The following GCDH variants were observed in gnomAD, a reference collection of about 807,000 sequenced individuals.
GCDH encodes glutaryl-CoA dehydrogenase.
GCDH carries 31 observed loss-of-function variants against 52.8 expected under a neutral mutation model. The observed-to-expected ratio is 0.59, with a 90% CI of 0.44 to 0.79. GCDH has a LOEUF of 0.79. Ranked by LOEUF, GCDH falls within the 30% of genes least tolerant of loss-of-function variation. GCDH has a pLI of 0.00. For missense variants in GCDH, 509 were observed against 595.0 expected, an observed-to-expected ratio of 0.86 and a Z score of 1.50; for synonymous variants, 242 against 250.0, an observed-to-expected ratio of 0.97 and a Z score of 0.30.
At chr19:12,891,553 C>T in intron 3 of GCDH, 31 bp downstream of exon 3, 1 of 1,614,122 alleles carries the variant, frequency 6.2e-7, no homozygotes, top group South Asian at 1.1e-5. Context: ...CGTGTGTCTG[C>T]TGCCCCTGTT....
Position 12,894,395 on chromosome 19 carries a change from G to A in GCDH, c.505+742G>A. On this transcript the variant is annotated intron_variant, in intron 6 of 11. Transcript: ENST00000222214. ...GGGCATTCCTATTACAGACCAAGGA[G>A]AACTGGAGAAAGAAAGAGAAGATCA... The A allele has an allele frequency of 4.0e-6, 3 of 754,768 alleles. No homozygotes were observed. The South Asian group carries it at 4.1e-5, about 10-fold the overall frequency. 46.8% of individuals were successfully genotyped at this position (754,768 alleles called of 1,614,324 possible). A position where few individuals can be genotyped will look rare whatever the true frequency, so the allele number is the denominator to read the frequency against.
rs1970710700 is a variant in GCDH, at chr19:12,897,426, C to T, written c.1080C>T (p.Asp360=). The change falls in exon 10 of 12, where the codon GAC becomes GAT. Residue 360 remains aspartate (D), a splice_region_variant and synonymous_variant. Transcript: ENST00000222214. ...CLQLGRLKDQ[D]KAAPEMVSLL... ...AGCTCGGCCGCTTGAAGGACCAGGA[C>T]AAGTAGGGGCTGTGTGGTGGGGGCG... 1 of 1,612,398 alleles carries T rather than the reference C, an allele frequency of 6.2e-7. No individual in the cohort carries two copies.
In GCDH at chr19:12,896,111, A is replaced by G. The variant is rs745938551; in HGVS notation, c.625A>G (p.Thr209Ala). Reference protein sequence around the residue: ...SSNKSYTLNGTKTWITNSPMA... With the variant: ...SSNKSYTLNGAKTWITNSPMA... ...CAACAAGAGCTACACCCTCAATGGG[A>G]CCAAGACCTGGTAAGGGTTCTGGGT... The change falls in exon 7 of 12, where the codon ACC (threonine) becomes GCC (alanine). Residue 209 changes from threonine to alanine, a missense_variant. Transcript: ENST00000222214. This position sits in a 1 kb window ranked among gnomAD's most constrained non-coding sequence, Gnocchi z 5.5. 6.2e-7 allele frequency: 1 copy of G among 1,614,062 alleles called. No individual in the cohort carries two copies. The highest frequency in any genetic ancestry group is 8.5e-7 in the Non-Finnish European group (1 of 1,180,018).
intron 6 of GCDH, among the ~76,000 whole-genome samples, chr19:12,895,440 T>C (rs1970650088): frequency 6.6e-6 from 1 of 152,048 alleles, no homozygotes; most frequent in Non-Finnish European, 1.5e-5. Flanking sequence ...TTTGTATTTT[T>C]AGTAGAGATG....
intron 6 of GCDH, chr19:12,894,411 G>A (rs1223250465): frequency 2.7e-6 from 2 of 752,356 alleles, no homozygotes; most frequent in Non-Finnish European, 5.0e-6. Context: ...GAGAAAGAAA[G>A]AGAAGATCAG....
chr19:12,896,508 C>CACAGGCACAGGGAG lies in GCDH; in HGVS notation c.852+87_852+88insACAGGCACAGGGAG. The CACAGGCACAGGGAG allele has an allele frequency of 2.0e-6, 2 of 1,005,768 alleles. No homozygotes were observed. The highest frequency in any genetic ancestry group is 3.0e-6 in the Non-Finnish European group (2 of 658,838). The allele number at this position is 1,005,768 out of a possible 1,614,324, so 62.3% of individuals were successfully genotyped here. A position where few individuals can be genotyped will look rare whatever the true frequency, so the allele number is the denominator to read the frequency against. On this transcript the variant is annotated intron_variant, in intron 8 of 11. Transcript: ENST00000222214. The surrounding 1 kb of genome is among the most constrained non-coding windows in gnomAD (Gnocchi z 5.5). ...AGGCTCCGTGCTGGGGACGCGGCTC[C>CACAGGCACAGGGAG]CTGTGCCTGTGGAGCCCACACAGTG...
At chr19:12,893,994 A>T in intron 6 of GCDH, 1 of 582,620 alleles carries the variant, frequency 1.7e-6, no homozygotes, top group South Asian at 2.0e-5. Context: ...TGAGCCCAAG[A>T]GTTCGAAACC....
rs574289102 is a variant in GCDH at position 12,896,562 on chromosome 19, C to T, written c.852+141C>T. The stretch of plus-strand genomic sequence containing the variant: ...ATTCTTACTCAGCCGGACTCGCTGA[C>T]GTGCTGAAAACTGCCCCCATTTGGT... On this transcript the variant is annotated intron_variant, in intron 8 of 11. Transcript: ENST00000222214. The surrounding 1 kb of genome is among the most constrained non-coding windows in gnomAD (Gnocchi z 5.5). 14 of 762,884 alleles carry T rather than the reference C, an allele frequency of 1.8e-5. No individual in the cohort carries two copies. The highest frequency in any genetic ancestry group is 8.5e-5 in the African/African-American group (5 of 58,566). 47.3% of individuals were successfully genotyped at this position (762,884 alleles called of 1,614,324 possible).
At chr19:12,898,022 C>G in intron 11 of GCDH, 159 bp downstream of exon 11, 1 of 683,014 alleles carries the variant, frequency 1.5e-6, no homozygotes, top group Non-Finnish European at 2.6e-6. Context: ...TCTGGAGTTA[C>G]TCACATGGGG....
Position 12,897,839 on chromosome 19 carries a change from C to G in GCDH, c.1219C>G (p.Leu407Val), listed in dbSNP as rs1568429421. The G allele has an allele frequency of 6.2e-7, 1 of 1,613,942 alleles. No homozygotes were observed. ...EYHVIRHAMN[L>V]EAVNTYEGTH... ...TCACGTGATCCGGCACGCCATGAAC[C>G]TGGAGGCCGTGAACACCTACGAAGG... is the stretch of plus-strand genomic sequence containing the variant. Residue 407 changes from leucine (L) to valine (V), a missense_variant, in exon 11 of 12, where the codon CTG becomes GTG. Leu to Val is a conservative substitution (Grantham distance 32). Coordinates refer to ENST00000222214, the MANE Select transcript of GCDH (RefSeq NM_000159.4).
At position 12,896,550 on chromosome 19, in the gene GCDH, C is replaced by G. The variant is rs925727097; in HGVS notation, c.852+129C>G. On this transcript the variant is annotated intron_variant, in intron 8 of 11. Coordinates refer to ENST00000222214, the MANE Select transcript of GCDH (RefSeq NM_000159.4). The surrounding 1 kb of genome is among the most constrained non-coding windows in gnomAD (Gnocchi z 5.5). ...CACACAGTGGTGATTCTTACTCAGC[C>G]GGACTCGCTGACGTGCTGAAAACTG... is the stretch of plus-strand genomic sequence containing the variant. 2.5e-6 allele frequency: 2 copies of G among 791,866 alleles called. No homozygotes were observed. Among genetic ancestry groups the G allele is most frequent in the Admixed American group, 2.0e-5 (1 of 49,734 alleles). 49.1% of individuals were successfully genotyped at this position (791,866 alleles called of 1,614,324 possible). A position where few individuals can be genotyped will look rare whatever the true frequency, so the allele number is the denominator to read the frequency against.
chr19:12,892,270 C>G (rs771306677), intron 5 of GCDH, 92 bp downstream of exon 5: 11 of 1,097,760 alleles, frequency 1.0e-5, no homozygotes, highest in Non-Finnish European at 1.5e-5. Flanking sequence ...CCTTCCTTCT[C>G]TTTCTTTTCT....
chr19:12,899,900 T>G lies in GCDH; in HGVS notation c.*359T>G. 4.6e-6 allele frequency: 7 copies of G among 1,505,828 alleles called. No individual in the cohort carries two copies. The highest frequency in any genetic ancestry group is 4.6e-6 in the Non-Finnish European group (5 of 1,095,106). 93.3% of individuals were successfully genotyped at this position (1,505,828 alleles called of 1,614,324 possible). ...CAGTGCGCCCTCCCTCCCTCCCATC[T>G]GGGGGTAGTGCCTTATGCTGGGTGT... On this transcript the variant is annotated 3_prime_UTR_variant, in exon 12 of 12. Transcript: ENST00000222214.
chr19:12,894,805 G>C, intron 6 of GCDH: 2 of 682,000 alleles, frequency 2.9e-6, no homozygotes, highest in Non-Finnish European at 4.8e-6. Flanking sequence ...AGAAGCACCA[G>C]GGACAAATCG....
In GCDH at chr19:12,896,406, T is replaced by A. The variant is rs767543724; in HGVS notation, c.837T>A (p.Gly279=). The A allele has an allele frequency of 6.2e-7, 1 of 1,613,280 alleles. No homozygotes were observed. The highest frequency in any genetic ancestry group is 1.1e-5 in the South Asian group (1 of 91,002). Residue 279 remains glycine (G), a synonymous_variant, in exon 8 of 12, where the codon GGT becomes GGA. Transcript: ENST00000222214. This position sits in a 1 kb window ranked among gnomAD's most constrained non-coding sequence, Gnocchi z 5.5. The part of the protein sequence containing the change: ...VEVPEENVLP[G]ASSLGGPFGC... ...TGCCAGAGGAGAATGTGCTCCCTGG[T>A]GCATCCAGCCTGGGGGTAAGTGGCA...
chr19:12,895,941 G>T, intron 6 of GCDH, 51 bp from the exon 7 acceptor site: 1 of 1,610,772 alleles, frequency 6.2e-7, no homozygotes, highest in Non-Finnish European at 8.5e-7. Context: ...TTTTGAGTAA[G>T]GGGATGTATC....
intron 11 of GCDH, chr19:12,899,186 T>G: frequency 1.5e-6 from 1 of 685,208 alleles, no homozygotes; most frequent in Non-Finnish European, 2.5e-6. Context: ...CTTGCTACAT[T>G]TTGGGAGTTC....
chr19:12,892,871 G>T (rs1970591958), intron 5 of GCDH, among the ~76,000 whole-genome samples: 1 of 145,570 alleles, frequency 6.9e-6, no homozygotes. Flanking sequence ...CCGTTGCCCG[G>T]CCCTTTTCTT....
At position 12,896,151 on chromosome 19, in the gene GCDH, G is replaced by A. The variant is rs1599614569; in HGVS notation, c.635+30G>A. On this transcript the variant is annotated intron_variant, in intron 7 of 11. Transcript: ENST00000222214. The surrounding 1 kb of genome is among the most constrained non-coding windows in gnomAD (Gnocchi z 5.5). ...GGGTTCTGGGTGGTGGGCAGGTGGT[G>A]AACAGGGGCAAAGGGGCACTGGTCA... 1 of 1,614,172 alleles carries A rather than the reference G, an allele frequency of 6.2e-7. No homozygotes were observed. The highest frequency in any genetic ancestry group is 1.6e-4 in the Middle Eastern group (1 of 6,062).
Sources: allele counts gnomAD v4.1 joint callset (sites outside exome capture counted in the v4.1 genomes callset), GRCh38; gene constraint gnomAD v4.1.1; non-coding constraint Gnocchi (gnomAD v3.1); transcripts MANE v1.5; gene names NCBI Gene and HGNC (gene_info 2026-07-23, HGNC 2026-07-21).